Variants in NCAM2 observed in about 807,000 individuals in gnomAD.
The protein encoded by NCAM2 is neural cell adhesion molecule 2.
In NCAM2, 30 loss-of-function variants were observed where a neutral mutation model predicts 98.1. That is an observed-to-expected ratio of 0.31 (90% CI 0.23 to 0.41). NCAM2 has a LOEUF of 0.41. NCAM2 is among the 10% of genes least tolerant of loss of function. The pLI, the probability that NCAM2 is intolerant of heterozygous loss-of-function variation, is 1.00. For synonymous variants in NCAM2, 368 were observed against 342.4 expected (o/e 1.07, Z -0.83); for missense variants, 867 against 1,005.8 (o/e 0.86, Z 1.87).
Position 21,519,544 on chromosome 21 carries a change from T to C in NCAM2, c.2282+10489T>C, listed in dbSNP as rs2146384201. On this transcript the variant is annotated intron_variant, in intron 16 of 17. Transcript: ENST00000400546. ...GACAACCAGGTGTATGCAGTTGTGC[T>C]GTTTATTTTTATATAACCCTGTTAT... Among the ~76,000 whole-genome samples the C allele has an allele frequency of 2.0e-5, 3 of 149,978 alleles. 1 individual carries two copies. In the South Asian group the frequency reaches 6.4e-4, roughly 32 times the overall value.
At chr21:21,425,528 T>G (rs1372708719) in intron 11 of NCAM2, among the ~76,000 whole-genome samples, 1 of 152,112 alleles carries the variant, frequency 6.6e-6, no homozygotes, top group East Asian at 1.9e-4. Flanking sequence ...AGGAAATAAT[T>G]TCCATTGATA....
chr21:21,373,581 CATCAGG>C (rs1243071136), intron 8 of NCAM2, among the ~76,000 whole-genome samples: 1 of 151,692 alleles, frequency 6.6e-6, no homozygotes. Flanking sequence ...GATCTTTAAA[CATCAGG>C]CTGAGTGATT....
At chr21:21,330,715 T>A (rs1034262620) in intron 6 of NCAM2, among the ~76,000 whole-genome samples, 2 of 152,018 alleles carry the variant, frequency 1.3e-5, no homozygotes, top group African/African-American at 2.4e-5. Context: ...TCATATTTTT[T>A]GAAGCTCTAG....
intron 1 of NCAM2, among the ~76,000 whole-genome samples, chr21:21,012,440 G>A (rs1471190940): frequency 1.3e-5 from 2 of 152,032 alleles, no homozygotes; most frequent in Non-Finnish European, 2.9e-5. Flanking sequence ...AGTTTAGGAT[G>A]CTTTTAGGGG....
At chr21:21,251,870 G>A (rs2071488367) in intron 1 of NCAM2, among the ~76,000 whole-genome samples, 1 of 151,802 alleles carries the variant, frequency 6.6e-6, no homozygotes, top group Non-Finnish European at 1.5e-5. Flanking sequence ...TCTGATGCTA[G>A]TTCCTTATGC....
chr21:21,395,846 T>C (rs1478603672), intron 9 of NCAM2, among the ~76,000 whole-genome samples: 1 of 152,092 alleles, frequency 6.6e-6, no homozygotes, highest in Non-Finnish European at 1.5e-5. Flanking sequence ...ATCTCTCACC[T>C]TAAACAAAAA....
At chr21:21,147,563 C>G (rs558358633) in intron 1 of NCAM2, among the ~76,000 whole-genome samples, 1 of 151,210 alleles carries the variant, frequency 6.6e-6, no homozygotes, top group East Asian at 1.9e-4. Flanking sequence ...CCGTGGTATA[C>G]TCATGACTCA....
chr21:21,279,259 G>C (rs1029419072), intron 1 of NCAM2, among the ~76,000 whole-genome samples: 1 of 152,122 alleles, frequency 6.6e-6, no homozygotes, highest in South Asian at 2.1e-4. Context: ...GCTTGGGGGA[G>C]GCAAGTTTCC....
At chr21:21,528,941 T>C (rs1000878922) in intron 16 of NCAM2, among the ~76,000 whole-genome samples, 1 of 152,122 alleles carries the variant, frequency 6.6e-6, no homozygotes, top group African/African-American at 2.4e-5. Flanking sequence ...ACTTCAGCAC[T>C]TTATTTCTAA....
intron 1 of NCAM2, among the ~76,000 whole-genome samples, chr21:21,071,949 G>A (rs539403171): frequency 6.6e-6 from 1 of 150,462 alleles, no homozygotes; most frequent in South Asian, 2.1e-4. Flanking sequence ...GTGTTGCTCT[G>A]TTGCCCAGGC....
intron 5 of NCAM2, among the ~76,000 whole-genome samples, chr21:21,299,659 C>A (rs577728914): frequency 1.3e-5 from 2 of 150,842 alleles, no homozygotes; most frequent in East Asian, 4.0e-4. Context: ...TTAGTCCAAG[C>A]ATCATTTCTA....
chr21:21,430,049 A>T (rs1490314865), intron 11 of NCAM2, among the ~76,000 whole-genome samples: 1 of 151,928 alleles, frequency 6.6e-6, no homozygotes, highest in African/African-American at 2.4e-5. Flanking sequence ...TATTTTTGAG[A>T]TAGAGTCTCT....
At chr21:21,505,598 A>G (rs541349564) in intron 15 of NCAM2, among the ~76,000 whole-genome samples, 3 of 151,458 alleles carry the variant, frequency 2.0e-5, no homozygotes. Flanking sequence ...CTGAATTATT[A>G]AAAAAAAACT....
chr21:21,217,973 A>G lies in NCAM2; in HGVS notation c.56-62605A>G, dbSNP rs151306272. Among the ~76,000 whole-genome samples, 40 of 152,322 alleles carry G rather than the reference A, an allele frequency of 2.6e-4. No individual in the cohort carries two copies. The East Asian group carries it at 7.3e-3, about 28-fold the overall frequency. On this transcript the variant is annotated intron_variant, in intron 1 of 17. Coordinates refer to ENST00000400546, the MANE Select transcript of NCAM2 (RefSeq NM_004540.5). ...ATAGAACCAAATTCTGTAAACAGCC[A>G]TAGAATCTCCAGAATGAAATGCATT... is the stretch of plus-strand genomic sequence containing the variant.
chr21:21,029,687 G>A (rs1220608125), intron 1 of NCAM2, among the ~76,000 whole-genome samples: 1 of 151,992 alleles, frequency 6.6e-6, no homozygotes, highest in African/African-American at 2.4e-5. Context: ...CTGGAGTACA[G>A]TGGCGCGATC....
At chr21:21,203,323 T>A (rs1371459725) in intron 1 of NCAM2, among the ~76,000 whole-genome samples, 1 of 152,224 alleles carries the variant, frequency 6.6e-6, no homozygotes, top group African/African-American at 2.4e-5. Flanking sequence ...ATTATTCATT[T>A]ATGCTCACAT....
intron 1 of NCAM2, among the ~76,000 whole-genome samples, chr21:21,068,135 C>CTTTTTTTTTTTTTTTTTTTT (rs68078560): frequency 1.1e-5 from 1 of 88,558 alleles, no homozygotes; most frequent in Non-Finnish European, 2.3e-5. Context: ...ACTTTTTTTT[C>CTTTTTTTTTTTTTTTTTTTT]TTTTTTTTTT....
intron 11 of NCAM2, among the ~76,000 whole-genome samples, chr21:21,423,991 C>T (rs1272002935): frequency 6.6e-6 from 1 of 152,122 alleles, no homozygotes; most frequent in Non-Finnish European, 1.5e-5. Flanking sequence ...CTTAGCCAGA[C>T]CTTTGCTCCA....
chr21:21,264,195 G>C (rs1568852862), intron 1 of NCAM2, among the ~76,000 whole-genome samples: 1 of 152,004 alleles, frequency 6.6e-6, no homozygotes, highest in Non-Finnish European at 1.5e-5. Flanking sequence ...GAAATGAACA[G>C]ATACCTCTTA....
Sources: allele counts gnomAD v4.1 joint callset (sites outside exome capture counted in the v4.1 genomes callset), GRCh38; gene constraint gnomAD v4.1.1; transcripts MANE v1.5; gene names NCBI Gene and HGNC (gene_info 2026-07-23, HGNC 2026-07-21).